TRIM67: variants seen among roughly 807,000 people sequenced by gnomAD.
The protein encoded by TRIM67 is tripartite motif containing 67, also known as tripartite motif-containing protein 67.
Under a neutral mutation model 71.0 loss-of-function variants are expected in TRIM67, and 39 were observed. The ratio of observed to expected loss-of-function variants is 0.55; its 90% CI spans 0.43 to 0.72. The LOEUF (loss-of-function observed/expected upper bound fraction) is 0.72. Among genes scored for constraint, TRIM67 ranks in the 30% least tolerant of loss-of-function variants. The pLI is 0.00. For synonymous variants in TRIM67, 481 were observed against 473.9 expected (o/e 1.01, Z -0.19); for missense variants, 973 against 1,079.2 (o/e 0.90, Z 1.38).
intron 8 of TRIM67, among the ~76,000 whole-genome samples, chr1:231,213,449 G>A (rs980874607): frequency 5.3e-5 from 8 of 152,122 alleles, no homozygotes; most frequent in East Asian, 3.9e-4. Context: ...TTTCTTGGCC[G>A]GGTACAGTGG....
chr1:231,173,242 T>A (rs1181193751), intron 1 of TRIM67, among the ~76,000 whole-genome samples: 1 of 152,010 alleles, frequency 6.6e-6, no homozygotes, highest in African/African-American at 2.4e-5. Context: ...ATAAAAACAA[T>A]GTGATAAAAA....
chr1:231,217,534 C>G lies in TRIM67; in HGVS notation c.*2094C>G. 1 of 1,006,554 alleles carries G rather than the reference C, an allele frequency of 9.9e-7. No individual in the cohort carries two copies. Among genetic ancestry groups the G allele is most frequent in the Non-Finnish European group, 1.2e-6 (1 of 842,288 alleles). The allele number at this position is 1,006,554 out of a possible 1,614,324, so 62.4% of individuals were successfully genotyped here. The stretch of plus-strand genomic sequence containing the variant: ...AAGATTGAGGATGAAGAGGAGCCAC[C>G]ACTTTCCTGGGGCCAAGGAAGCCAT... On this transcript the variant is annotated 3_prime_UTR_variant, in exon 10 of 10. Transcript: ENST00000366653.
At chr1:231,199,450 G>A (rs535444509) in intron 3 of TRIM67, among the ~76,000 whole-genome samples, 2 of 152,324 alleles carry the variant, frequency 1.3e-5, no homozygotes, top group South Asian at 4.1e-4. Context: ...TTCTCATTTT[G>A]CAGAGCAGAA....
chr1:231,172,006 G>A (rs1037200204), intron 1 of TRIM67, among the ~76,000 whole-genome samples: 2 of 152,138 alleles, frequency 1.3e-5, no homozygotes, highest in Non-Finnish European at 2.9e-5. Flanking sequence ...TGAGGCAGAG[G>A]GAATGCTTGA....
chr1:231,201,604 C>T, intron 5 of TRIM67, 87 bp downstream of exon 5: 1 of 1,464,154 alleles, frequency 6.8e-7, no homozygotes, highest in Non-Finnish European at 9.2e-7. Context: ...CATAGGGAGA[C>T]CTGTGATGCA....
rs537222523 is a variant in TRIM67 at position 231,191,478 on chromosome 1, G to A, written c.1045-5893G>A. ...GACTGGCAAGGGGTGTTGAGATGGT[G>A]GGTGGGGGGCTTCCCCAGCTGTTGG... On this transcript the variant is annotated intron_variant, in intron 1 of 9. Coordinates refer to ENST00000366653, the MANE Select transcript of TRIM67 (RefSeq NM_001004342.5). Among the ~76,000 whole-genome samples, 16 of 152,320 alleles carry A rather than the reference G, an allele frequency of 1.1e-4. No individual in the cohort carries two copies. The South Asian group carries it at 2.3e-3, about 22-fold the overall frequency.
rs756282640 is a variant in TRIM67, at chr1:231,163,977, G to A, written c.1008G>A (p.Glu336=). Residue 336 remains glutamate, a synonymous_variant, in exon 1 of 10, where the codon GAG becomes GAA. Transcript: ENST00000366653. ...CLEEGRHAKH[E]VKPLGAMWKQ... is the part of the protein sequence containing the mutation. ...AGGAGGGCCGGCACGCCAAGCACGA[G>A]GTGAAGCCGCTGGGGGCCATGTGGA... 3.5e-5 allele frequency: 55 copies of A among 1,580,970 alleles called. No individual in the cohort carries two copies. Among genetic ancestry groups the A allele is most frequent in the Middle Eastern group, 1.7e-4 (1 of 6,012 alleles).
intron 1 of TRIM67, among the ~76,000 whole-genome samples, chr1:231,192,552 A>G (rs1218499674): frequency 6.6e-6 from 1 of 152,212 alleles, no homozygotes; most frequent in Non-Finnish European, 1.5e-5. Flanking sequence ...TAGAATTATC[A>G]GGTCTGATTT....
chr1:231,215,973 C>T lies in TRIM67; in HGVS notation c.*533C>T. The T allele has an allele frequency of 1.0e-6, 1 of 986,152 alleles. No homozygotes were observed. Among genetic ancestry groups the T allele is most frequent in the Non-Finnish European group, 1.2e-6 (1 of 830,486 alleles). 61.1% of individuals were successfully genotyped at this position (986,152 alleles called of 1,614,324 possible). ...TTCTTGGTCCTAGAGTCTTTAGTAG[C>T]ACCTGCCACTTGCAGACCCAATGCA... On this transcript the variant is annotated 3_prime_UTR_variant, in exon 10 of 10. Transcript: ENST00000366653.
At chr1:231,165,044 A>G (rs763686287) in intron 1 of TRIM67, among the ~76,000 whole-genome samples, 17 of 152,190 alleles carry the variant, frequency 1.1e-4, no homozygotes, top group Admixed American at 2.6e-4. Flanking sequence ...CCCTAGTTCT[A>G]GAGCAGTAGT....
rs1405138786 is a variant in TRIM67 at position 231,200,274 on chromosome 1, GA to G, written c.1374+18del. On this transcript the variant is annotated intron_variant, in intron 4 of 9. Coordinates refer to ENST00000366653, the MANE Select transcript of TRIM67 (RefSeq NM_001004342.5). Reference sequence around the variant, plus strand: ...GTTCTTACAGGTGAGCCTGTCCCTGGAAGACACAAAGTGGGCTTCCTCCAAC... The same window carrying G: ...GTTCTTACAGGTGAGCCTGTCCCTGGAGACACAAAGTGGGCTTCCTCCAAC... The G allele has an allele frequency of 5.1e-6, 8 of 1,565,604 alleles. No homozygotes were observed. The highest frequency in any genetic ancestry group is 7.0e-6 in the Non-Finnish European group (8 of 1,136,484).
chr1:231,177,900 A>G (rs1315969733), intron 1 of TRIM67, among the ~76,000 whole-genome samples: 2 of 152,380 alleles, frequency 1.3e-5, no homozygotes, highest in Non-Finnish European at 2.9e-5. Flanking sequence ...ATAAATGAAT[A>G]GGACTTAACA....
chr1:231,210,014 T>C (rs1432629858), intron 8 of TRIM67, among the ~76,000 whole-genome samples: 2 of 150,792 alleles, frequency 1.3e-5, no homozygotes, highest in East Asian at 3.9e-4. Context: ...CCAACACCCC[T>C]GCACCATAGC....
intron 7 of TRIM67, 88 bp downstream of exon 7, chr1:231,206,878 T>G: frequency 2.9e-6 from 4 of 1,378,212 alleles, no homozygotes; most frequent in South Asian, 1.5e-5. Flanking sequence ...GCTATGATGA[T>G]GGGGTAGGGG....
intron 5 of TRIM67, among the ~76,000 whole-genome samples, chr1:231,203,605 G>A (rs1362072990): frequency 6.6e-6 from 1 of 152,172 alleles, no homozygotes; most frequent in Non-Finnish European, 1.5e-5. Context: ...AGAGGGGTGG[G>A]GCCATCTGCC....
chr1:231,210,663 A>G (rs770478128), intron 8 of TRIM67, among the ~76,000 whole-genome samples: 1 of 151,780 alleles, frequency 6.6e-6, no homozygotes, highest in Non-Finnish European at 1.5e-5. Flanking sequence ...ACTTGTGCTC[A>G]ATGCTGTAGG....
chr1:231,167,031 C>T (rs1682486524), intron 1 of TRIM67, among the ~76,000 whole-genome samples: 1 of 152,150 alleles, frequency 6.6e-6, no homozygotes, highest in African/African-American at 2.4e-5. Context: ...ATCTATAACT[C>T]CTCACTCAGG....
At chr1:231,215,301 T>TGC in intron 9 of TRIM67, 74 bp from the exon 10 acceptor site, 1 of 1,551,076 alleles carries the variant, frequency 6.4e-7, no homozygotes, top group South Asian at 1.2e-5. Context: ...TGCCGGTGTC[T>TGC]GCGGTGCTGT....
rs371918421 is a variant in TRIM67, at chr1:231,201,644, C to G, written c.1534+127C>G. The G allele has an allele frequency of 2.5e-6, 3 of 1,213,056 alleles. No individual in the cohort carries two copies. In the South Asian group the frequency reaches 4.6e-5, roughly 19 times the overall value. The allele number at this position is 1,213,056 out of a possible 1,614,324, so 75.1% of individuals were successfully genotyped here. ...GTGTGGCAGGGTGGGAGAGCAGGAG[C>G]GCCAGAGTCACGGACCTAGGTTCAA... On this transcript the variant is annotated intron_variant, in intron 5 of 9. Transcript: ENST00000366653.
Sources: gnomAD v4.1 joint callset for allele counts (sites outside exome capture counted in the v4.1 genomes callset) on GRCh38, gnomAD v4.1.1 for gene constraint, MANE v1.5 for transcripts, NCBI Gene and HGNC (gene_info 2026-07-23, HGNC 2026-07-21) for gene names.